LRRC4C: variants seen among roughly 807,000 people sequenced by gnomAD.
LRRC4C encodes the protein leucine-rich repeat-containing protein 4C.
In LRRC4C, 5 loss-of-function variants were observed where a neutral mutation model predicts 33.6. The ratio of observed to expected loss-of-function variants is 0.15; its 90% confidence interval spans 0.08 to 0.31. The LOEUF (loss-of-function observed/expected upper bound fraction) is 0.31, where lower values mean the gene tolerates loss of function less well. LRRC4C is among the 10% of genes least tolerant of loss of function. The probability of loss-of-function intolerance (pLI) is 1.00; values close to 1 mark genes in which losing one functional copy is unlikely to be tolerated. For missense variants in LRRC4C, 560 were observed against 796.7 expected (o/e 0.70, Z 3.58); for synonymous variants, 329 against 302.0 (o/e 1.09, Z -0.93).
At chr11:41,404,141 G>C (rs934123982) in intron 1 of LRRC4C, among the ~76,000 whole-genome samples, 1 of 152,016 alleles carries the variant, frequency 6.6e-6, no homozygotes, top group Non-Finnish European at 1.5e-5. Flanking sequence ...AAAGTTAAAA[G>C]AAATGCACCC....
chr11:40,475,975 C>T (rs1446357915), intron 3 of LRRC4C, among the ~76,000 whole-genome samples: 4 of 152,066 alleles, frequency 2.6e-5, no homozygotes, highest in Admixed American at 1.3e-4. Flanking sequence ...TTGGGGGCTG[C>T]GCTGTGCATT....
intron 1 of LRRC4C, among the ~76,000 whole-genome samples, chr11:41,281,069 TCTCTCTGTC>T (rs1949651515): frequency 7.3e-6 from 1 of 136,888 alleles, no homozygotes; most frequent in African/African-American, 2.8e-5. Context: ...TCTCTCTCTC[TCTCTCTGTC>T]CTCTCTCTCT....
intron 1 of LRRC4C, among the ~76,000 whole-genome samples, chr11:41,295,582 C>T (rs1450913676): frequency 1.3e-5 from 2 of 149,866 alleles, no homozygotes; most frequent in South Asian, 2.1e-4. Flanking sequence ...TGAGTTTATA[C>T]GTTCAGGGCA....
intron 2 of LRRC4C, among the ~76,000 whole-genome samples, chr11:40,680,172 C>T (rs761493975): frequency 1.3e-5 from 2 of 152,140 alleles, no homozygotes; most frequent in Non-Finnish European, 2.9e-5. Context: ...CTTTAAGCTT[C>T]GGCCAATTTC....
intron 1 of LRRC4C, among the ~76,000 whole-genome samples, chr11:41,294,945 A>G (rs1390961601): frequency 6.6e-6 from 1 of 152,216 alleles, no homozygotes; most frequent in Non-Finnish European, 1.5e-5. Context: ...TTTTGCCCAT[A>G]GTATTGGTGA....
intron 1 of LRRC4C, among the ~76,000 whole-genome samples, chr11:41,344,321 T>C (rs1018782348): frequency 2.0e-5 from 3 of 150,246 alleles, no homozygotes; most frequent in Admixed American, 6.7e-5. Context: ...CCCGGGTTCA[T>C]GCCATTCTCC....
At chr11:40,285,430 T>A (rs1943769832) in intron 4 of LRRC4C, among the ~76,000 whole-genome samples, 1 of 152,162 alleles carries the variant, frequency 6.6e-6, no homozygotes, top group Admixed American at 6.6e-5. Context: ...AGGTGTTGGG[T>A]CCCCACAATG....
At chr11:41,072,927 G>A (rs1938815786) in intron 1 of LRRC4C, among the ~76,000 whole-genome samples, 1 of 151,958 alleles carries the variant, frequency 6.6e-6, no homozygotes, top group Non-Finnish European at 1.5e-5. Flanking sequence ...ATTTTTTATT[G>A]GGATTGCAAA....
chr11:40,649,489 T>A (rs1359693232), intron 2 of LRRC4C, among the ~76,000 whole-genome samples: 3 of 152,214 alleles, frequency 2.0e-5, no homozygotes, highest in Admixed American at 6.5e-5. Flanking sequence ...TCTCCCCTTG[T>A]TCCCTGAAAA....
intron 1 of LRRC4C, among the ~76,000 whole-genome samples, chr11:40,979,340 A>C (rs985219611): frequency 6.6e-6 from 1 of 152,336 alleles, no homozygotes; most frequent in Non-Finnish European, 1.5e-5. Flanking sequence ...CTCTTTCAAT[A>C]GATATTTTTT....
chr11:40,532,242 C>T (rs946165497), intron 3 of LRRC4C, among the ~76,000 whole-genome samples: 2 of 151,412 alleles, frequency 1.3e-5, no homozygotes, highest in Non-Finnish European at 2.9e-5. Context: ...TAATATGTTA[C>T]ACAGATTTAC....
intron 1 of LRRC4C, among the ~76,000 whole-genome samples, chr11:40,942,645 C>T (rs1958209177): frequency 6.6e-6 from 1 of 152,184 alleles, no homozygotes; most frequent in African/African-American, 2.4e-5. Flanking sequence ...GTGAGTTATA[C>T]AAAGTGGTTT....
chr11:40,313,757 G>A (rs966740491), intron 4 of LRRC4C, among the ~76,000 whole-genome samples: 4 of 144,234 alleles, frequency 2.8e-5, no homozygotes, highest in African/African-American at 5.2e-5. Context: ...ACAGGCGCCC[G>A]CCATCATGCC....
intron 1 of LRRC4C, among the ~76,000 whole-genome samples, chr11:41,051,555 G>GAAAAAAAAAAAAAAAAAAAAAAAAAA (rs1565337349): frequency 1.3e-4 from 11 of 82,748 alleles, no homozygotes; most frequent in African/African-American, 1.8e-4. Context: ...AAAAAAAAAG[G>GAAAAAAAAAAAAAAAAAAAAAAAAAA]AAAAATTAGT....
chr11:41,152,791 T>A (rs1387711353), intron 1 of LRRC4C, among the ~76,000 whole-genome samples: 2 of 152,144 alleles, frequency 1.3e-5, no homozygotes, highest in East Asian at 3.9e-4. Flanking sequence ...CAAGGATAAC[T>A]TTTTTTGAAT....
At chr11:40,221,991 G>T (rs1198208624) in intron 5 of LRRC4C, among the ~76,000 whole-genome samples, 2 of 152,072 alleles carry the variant, frequency 1.3e-5, no homozygotes, top group Non-Finnish European at 2.9e-5. Context: ...GAGGAGTTTT[G>T]TCTGCGGCTC....
intron 3 of LRRC4C, among the ~76,000 whole-genome samples, chr11:40,593,934 A>C (rs1156844668): frequency 6.6e-6 from 1 of 152,208 alleles, no homozygotes; most frequent in Non-Finnish European, 1.5e-5. Context: ...GGAAGGTTCT[A>C]TTTTGAAATA....
chr11:41,380,677 T>C (rs1360701534), intron 1 of LRRC4C, among the ~76,000 whole-genome samples: 5 of 151,698 alleles, frequency 3.3e-5, no homozygotes, highest in Non-Finnish European at 2.9e-5. Flanking sequence ...AAAGAAAAAA[T>C]GAAACACTGA....
chr11:40,378,521 T>C (rs1948743711), intron 3 of LRRC4C, among the ~76,000 whole-genome samples: 1 of 151,944 alleles, frequency 6.6e-6, no homozygotes, highest in Admixed American at 6.6e-5. Context: ...TGTATTTCTG[T>C]GAGAAAGAAC....
Sources: gnomAD v4.1 joint callset for allele counts (sites outside exome capture counted in the v4.1 genomes callset) on GRCh38, gnomAD v4.1.1 for gene constraint, MANE v1.5 for transcripts, NCBI Gene and HGNC (gene_info 2026-07-23, HGNC 2026-07-21) for gene names.